Variants in UNC5D observed in about 807,000 individuals in gnomAD.
UNC5D encodes unc-5 netrin receptor D, also known as netrin receptor UNC5D.
In UNC5D, 39 loss-of-function variants were observed where a neutral mutation model predicts 105.4. The observed-to-expected ratio is 0.37, with a 90% CI of 0.29 to 0.48. UNC5D has a LOEUF of 0.48. UNC5D is among the 20% of genes least tolerant of loss of function. The pLI, the probability that UNC5D is intolerant of heterozygous loss-of-function variation, is 0.98. For missense variants in UNC5D, 991 were observed against 1,202.4 expected (o/e 0.82, Z 2.60); for synonymous variants, 452 against 450.4 (o/e 1.00, Z -0.04).
intron 10 of UNC5D, chr8:35,727,595 C>G (rs1056557463): frequency 6.6e-6 from 1 of 152,176 alleles, no homozygotes; most frequent in African/African-American, 2.4e-5. Flanking sequence ...TCCCCTAGAG[C>G]AATTACTTCC....
chr8:35,655,014 G>C (rs1823644000), intron 4 of UNC5D, among the ~76,000 whole-genome samples: 1 of 152,134 alleles, frequency 6.6e-6, no homozygotes, highest in Non-Finnish European at 1.5e-5. Flanking sequence ...CTAGGACATT[G>C]AACAGAAATA....
Position 35,748,691 on chromosome 8 carries a change from G to A in UNC5D, c.1931G>A (p.Trp644Ter). The A allele has an allele frequency of 6.2e-7, 1 of 1,613,046 alleles. No individual in the cohort carries two copies. Among genetic ancestry groups the A allele is most frequent in the Non-Finnish European group, 8.5e-7 (1 of 1,179,558 alleles). ...HLKKRTQQGKWEEVMSVEDES... is the reference protein window; with the variant it reads ...HLKKRTQQGK ...AAGAAGAGGACACAGCAGGGCAAAT[G>A]GGAGGTGAGACCCTTTACTTCCTTT... The change falls in exon 12 of 17, where the codon TGG becomes TAG. Residue 644 changes from tryptophan to a stop codon, truncating the protein, a stop_gained. Transcript: ENST00000404895. LOFTEE classifies it high-confidence loss of function.
intron 1 of UNC5D, among the ~76,000 whole-genome samples, chr8:35,241,854 T>G (rs1802826887): frequency 6.6e-6 from 1 of 152,200 alleles, no homozygotes; most frequent in South Asian, 2.1e-4. Flanking sequence ...TTGTTCTCTT[T>G]CAGCTATTTT....
intron 13 of UNC5D, among the ~76,000 whole-genome samples, chr8:35,756,551 T>TAAA (rs560731427): frequency 1.6e-5 from 2 of 122,980 alleles, no homozygotes; most frequent in African/African-American, 5.9e-5. Flanking sequence ...CATGAGTCTT[T>TAAA]AAAAAAAAAA....
intron 4 of UNC5D, among the ~76,000 whole-genome samples, chr8:35,644,416 C>T (rs1457041551): frequency 1.3e-5 from 2 of 152,104 alleles, no homozygotes; most frequent in Non-Finnish European, 2.9e-5. Flanking sequence ...GTAGCTTAGT[C>T]GATTTCTGCT....
chr8:35,430,773 A>G (rs1192680415), intron 1 of UNC5D, among the ~76,000 whole-genome samples: 1 of 152,176 alleles, frequency 6.6e-6, no homozygotes, highest in African/African-American at 2.4e-5. Flanking sequence ...CATTTTTGCT[A>G]CTGAGAACAG....
chr8:35,315,297 G>T (rs932578227), intron 1 of UNC5D, among the ~76,000 whole-genome samples: 1 of 152,104 alleles, frequency 6.6e-6, no homozygotes, highest in Non-Finnish European at 1.5e-5. Context: ...GAATCTGCAG[G>T]GTGATTGTTC....
intron 1 of UNC5D, chr8:35,544,412 T>TAA (rs374549800): frequency 1.4e-6 from 2 of 1,459,362 alleles, no homozygotes; most frequent in Non-Finnish European, 9.3e-7. Flanking sequence ...AGGGATTGTT[T>TAA]AAAAAAAAAA....
intron 4 of UNC5D, among the ~76,000 whole-genome samples, chr8:35,643,140 G>T (rs564256242): frequency 4.1e-4 from 63 of 152,232 alleles, no homozygotes; most frequent in African/African-American, 1.4e-3. Context: ...GTTGTGGGGG[G>T]GCTGTCCTGT....
intron 1 of UNC5D, among the ~76,000 whole-genome samples, chr8:35,246,670 G>A (rs968194702): frequency 1.3e-5 from 2 of 151,964 alleles, no homozygotes; most frequent in East Asian, 3.9e-4. Flanking sequence ...GAAGCATCAC[G>A]ACTCCAGCAA....
intron 3 of UNC5D, among the ~76,000 whole-genome samples, chr8:35,591,795 C>T (rs577791791): frequency 1.5e-4 from 23 of 152,106 alleles, no homozygotes; most frequent in South Asian, 6.2e-4. Flanking sequence ...TTCATAGAAC[C>T]GATGATAGAA....
At chr8:35,588,793 C>A (rs191570965) in intron 3 of UNC5D, among the ~76,000 whole-genome samples, 1 of 152,250 alleles carries the variant, frequency 6.6e-6, no homozygotes, top group Admixed American at 6.5e-5. Flanking sequence ...GTAATCCCAG[C>A]ACTTTGGGAG....
At chr8:35,300,446 CAAAAAAAAAAAAAA>C (rs752599540) in intron 1 of UNC5D, among the ~76,000 whole-genome samples, 1 of 58,416 alleles carries the variant, frequency 1.7e-5, no homozygotes, top group Non-Finnish European at 3.3e-5. Flanking sequence ...GACTCCCTCT[CAAAAAAAAAAAAAA>C]AAAAAAAAAA....
intron 1 of UNC5D, among the ~76,000 whole-genome samples, chr8:35,401,860 C>T (rs758893474): frequency 2.6e-4 from 40 of 152,298 alleles, no homozygotes; most frequent in Non-Finnish European, 4.9e-4. Context: ...CTGGCAAAGT[C>T]GGCATTATCC....
At chr8:35,518,039 TG>T (rs796468365) in intron 1 of UNC5D, among the ~76,000 whole-genome samples, 2 of 151,574 alleles carry the variant, frequency 1.3e-5, no homozygotes, top group East Asian at 1.9e-4. Context: ...ACATGAATTT[TG>T]GGGGGGGCAT....
intron 4 of UNC5D, among the ~76,000 whole-genome samples, chr8:35,622,029 G>C (rs886404863): frequency 6.6e-6 from 1 of 152,212 alleles, no homozygotes; most frequent in Non-Finnish European, 1.5e-5. Context: ...GCAAAACGCA[G>C]TTGCATGAAG....
At chr8:35,456,815 C>A (rs1382322301) in intron 1 of UNC5D, among the ~76,000 whole-genome samples, 3 of 152,152 alleles carry the variant, frequency 2.0e-5, no homozygotes, top group Non-Finnish European at 1.5e-5. Context: ...TAGTGAAGTT[C>A]TTTGGCTTGT....
intron 1 of UNC5D, among the ~76,000 whole-genome samples, chr8:35,352,524 GT>G (rs1418161753): frequency 3.4e-4 from 51 of 152,218 alleles, no homozygotes; most frequent in African/African-American, 1.1e-3. Context: ...TGATTCAAAT[GT>G]TGCTAAAAAT....
chr8:35,610,325 A>T (rs1035852251), intron 4 of UNC5D, among the ~76,000 whole-genome samples: 1 of 152,168 alleles, frequency 6.6e-6, no homozygotes, highest in African/African-American at 2.4e-5. Context: ...CACCAGGCCA[A>T]TGATAGTCTC....
Sources: gnomAD v4.1 joint callset for allele counts (sites outside exome capture counted in the v4.1 genomes callset) on GRCh38, gnomAD v4.1.1 for gene constraint, MANE v1.5 for transcripts, NCBI Gene and HGNC (gene_info 2026-07-23, HGNC 2026-07-21) for gene names.